The following MKNK1 variants were observed in gnomAD, a reference collection of about 807,000 sequenced individuals.
MKNK1 encodes the protein MAPK interacting serine/threonine kinase 1.
MKNK1 carries 30 observed loss-of-function variants against 49.3 expected under a neutral mutation model. The observed-to-expected ratio is 0.61, with a 90% CI of 0.46 to 0.83. The LOEUF (loss-of-function observed/expected upper bound fraction) is 0.83, where lower values mean the gene tolerates loss of function less well. Among genes scored for constraint, MKNK1 ranks in the 40% least tolerant of loss-of-function variants. The pLI, the probability that MKNK1 is intolerant of heterozygous loss-of-function variation, is 0.00. For missense variants in MKNK1, 423 were observed against 524.7 expected (o/e 0.81, Z 1.89); for synonymous variants, 176 against 201.7 (o/e 0.87, Z 1.08).
intron 2 of MKNK1, chr1:46,585,876 G>T: frequency 7.5e-7 from 1 of 1,329,926 alleles, no homozygotes; most frequent in Non-Finnish European, 1.0e-6. Flanking sequence ...CAGAGTACCT[G>T]GTATATTCTG....
In MKNK1 at chr1:46,585,585, A is replaced by C. The variant is rs538902853; in HGVS notation, c.-2-2256T>G. On this transcript the variant is annotated intron_variant, in intron 2 of 12. Coordinates refer to ENST00000371945, the MANE Select transcript of MKNK1 (RefSeq NM_001135553.4). Reference sequence around the variant, plus strand: ...TGCAGAGGAAACAGATTTGGGTTTCAGCTCTTTCTCCTTCCCCTGTCCACA... The same window carrying C: ...TGCAGAGGAAACAGATTTGGGTTTCCGCTCTTTCTCCTTCCCCTGTCCACA... The C allele has an allele frequency of 1.5e-5, 5 of 328,812 alleles. No homozygotes were observed. In the East Asian group the frequency reaches 2.2e-4, roughly 15 times the overall value. 20.4% of individuals were successfully genotyped at this position (328,812 alleles called of 1,614,324 possible).
At chr1:46,565,175 A>G in intron 8 of MKNK1, 39 bp from the exon 9 acceptor site, 1 of 1,589,310 alleles carries the variant, frequency 6.3e-7, no homozygotes, top group Non-Finnish European at 8.6e-7. Context: ...CAGATATAAG[A>G]AACTACGGGG....
At chr1:46,579,477 T>C (rs1671443125) in intron 4 of MKNK1, among the ~76,000 whole-genome samples, 1 of 152,230 alleles carries the variant, frequency 6.6e-6, no homozygotes, top group Non-Finnish European at 1.5e-5. Context: ...CTGTGTGTGC[T>C]TTGTTAGAGC....
intron 12 of MKNK1, among the ~76,000 whole-genome samples, chr1:46,559,262 G>A (rs575543072): frequency 6.6e-6 from 1 of 152,342 alleles, no homozygotes; most frequent in South Asian, 2.1e-4. Flanking sequence ...CTTCTAAGGC[G>A]GATCTGAGGT....
intron 6 of MKNK1, among the ~76,000 whole-genome samples, chr1:46,573,072 G>T (rs571372473): frequency 1.3e-5 from 2 of 152,288 alleles, no homozygotes; most frequent in Admixed American, 1.3e-4. Context: ...ACCACAATTG[G>T]ACAAAATGGG....
intron 12 of MKNK1, chr1:46,559,915 T>G (rs1667635610): frequency 2.2e-6 from 1 of 455,164 alleles, no homozygotes; most frequent in Non-Finnish European, 4.0e-6. Context: ...GAGGGAAGCC[T>G]TGTGTGAATA....
At chr1:46,569,960 G>A (rs965256773) in intron 7 of MKNK1, 1 of 152,260 alleles carries the variant, frequency 6.6e-6, no homozygotes, top group African/African-American at 2.4e-5. Context: ...CCATCGAGCT[G>A]CTCCGGTTCA....
At chr1:46,578,793 G>A (rs556462855) in intron 4 of MKNK1, among the ~76,000 whole-genome samples, 10 of 151,252 alleles carry the variant, frequency 6.6e-5, no homozygotes, top group South Asian at 6.3e-4. Flanking sequence ...TTGCTCTGTC[G>A]CCCAGGCTGG....
At chr1:46,559,706 G>A (rs183970875) in intron 12 of MKNK1, 6 of 163,232 alleles carry the variant, frequency 3.7e-5, no homozygotes, top group Non-Finnish European at 5.4e-5. Context: ...GTGCAGTGGC[G>A]TGATCGCAGC....
At chr1:46,572,289 C>T (rs1670305258) in intron 6 of MKNK1, 122 bp from the exon 7 acceptor site, 6 of 705,536 alleles carry the variant, frequency 8.5e-6, no homozygotes, top group Non-Finnish European at 1.2e-5. Flanking sequence ...TCTCGGCTCA[C>T]TGCAACCTCC....
chr1:46,561,810 T>A, intron 10 of MKNK1, 168 bp from the exon 11 acceptor site: 1 of 690,042 alleles, frequency 1.4e-6, no homozygotes, highest in Non-Finnish European at 2.4e-6. Flanking sequence ...CACTGTCCCC[T>A]AGATGATCAA....
intron 6 of MKNK1, among the ~76,000 whole-genome samples, chr1:46,572,863 C>G (rs548978282): frequency 6.6e-6 from 1 of 152,250 alleles, no homozygotes; most frequent in African/African-American, 2.4e-5. Flanking sequence ...ATCTCTGATC[C>G]AAACAAGAGC....
intron 7 of MKNK1, chr1:46,569,091 A>G (rs552212821): frequency 3.3e-5 from 5 of 152,530 alleles, no homozygotes; most frequent in South Asian, 2.1e-4. Flanking sequence ...GGATGCTGTT[A>G]TTTTTGTTTT....
At chr1:46,597,927 A>G (rs375447386) in intron 1 of MKNK1, among the ~76,000 whole-genome samples, 1 of 152,260 alleles carries the variant, frequency 6.6e-6, no homozygotes, top group Admixed American at 6.5e-5. Context: ...ATGTGATCCA[A>G]GCAATGGAAA....
In MKNK1 at chr1:46,563,257, C is replaced by T. The variant is rs183639793; in HGVS notation, c.610-414G>A. On this transcript the variant is annotated intron_variant, in intron 9 of 12. Transcript: ENST00000371945. ...CTTAAAGTGAATCCTGTCGTGCTCCCCTGCTAGCTCAGAGCAGGAAGTGTA... is the reference window on the plus strand; with the variant it reads ...CTTAAAGTGAATCCTGTCGTGCTCCTCTGCTAGCTCAGAGCAGGAAGTGTA... Among the ~76,000 whole-genome samples the T allele has an allele frequency of 5.3e-3, 806 of 152,288 alleles. 10 individuals are homozygous for T. Among genetic ancestry groups the T allele is most frequent in the South Asian group, 0.032 (155 of 4,808 alleles).
At chr1:46,574,408 G>A (rs1403559003) in intron 6 of MKNK1, 1 of 152,384 alleles carries the variant, frequency 6.6e-6, no homozygotes, top group Non-Finnish European at 1.5e-5. Flanking sequence ...TTGGGGGAGT[G>A]ATGGGAAGGG....
At chr1:46,598,714 C>T (rs1446660853) in intron 1 of MKNK1, among the ~76,000 whole-genome samples, 2 of 152,136 alleles carry the variant, frequency 1.3e-5, no homozygotes, top group Non-Finnish European at 2.9e-5. Flanking sequence ...ATAACTTGCC[C>T]AAGTCACACA....
chr1:46,585,249 C>CAAA (rs58692301), intron 2 of MKNK1, among the ~76,000 whole-genome samples: 5 of 62,124 alleles, frequency 8.0e-5, no homozygotes, highest in East Asian at 1.1e-3. Flanking sequence ...GATTCCGTCT[C>CAAA]AAAAAAAAAA....
At chr1:46,582,818 G>T (rs529586109) in intron 3 of MKNK1, 2 of 461,564 alleles carry the variant, frequency 4.3e-6, no homozygotes, top group East Asian at 6.8e-5. Flanking sequence ...GCTTACAGGA[G>T]ACTGAAGTTT....
Sources: allele counts gnomAD v4.1 joint callset (sites outside exome capture counted in the v4.1 genomes callset), GRCh38; gene constraint gnomAD v4.1.1; transcripts MANE v1.5; gene names NCBI Gene and HGNC (gene_info 2026-07-23, HGNC 2026-07-21).